Variants in MAGI3 observed in about 807,000 individuals in gnomAD.
MAGI3 encodes membrane associated guanylate kinase, WW and PDZ domain containing 3.
Under a neutral mutation model 121.8 loss-of-function variants are expected in MAGI3, and 43 were observed. That is an observed-to-expected ratio of 0.35 (90% CI 0.28 to 0.46). The LOEUF (loss-of-function observed/expected upper bound fraction) is 0.46. Ranked by LOEUF, MAGI3 falls within the 20% of genes least tolerant of loss-of-function variation. MAGI3 has a pLI of 1.00. For synonymous variants in MAGI3, 553 were observed against 639.3 expected (o/e 0.86, Z 2.04); for missense variants, 1,547 against 1,797.3 (o/e 0.86, Z 2.52).
intron 1 of MAGI3, among the ~76,000 whole-genome samples, chr1:113,448,857 C>G (rs745326766): frequency 6.6e-6 from 1 of 152,090 alleles, no homozygotes; most frequent in Non-Finnish European, 1.5e-5. Flanking sequence ...CAGTGGATCA[C>G]GCCTGTAATT....
At chr1:113,620,378 A>G (rs1049313264) in intron 8 of MAGI3, among the ~76,000 whole-genome samples, 8 of 152,132 alleles carry the variant, frequency 5.3e-5, no homozygotes, top group Non-Finnish European at 1.2e-4. Context: ...TTTTGAAAAC[A>G]CTGCTCAGGA....
chr1:113,600,125 G>C (rs939071666), intron 6 of MAGI3, among the ~76,000 whole-genome samples: 57 of 152,092 alleles, frequency 3.7e-4, no homozygotes, highest in African/African-American at 1.3e-3. Context: ...ATACTGAATG[G>C]GCAAAAACTG....
intron 1 of MAGI3, among the ~76,000 whole-genome samples, chr1:113,509,735 T>C (rs942780862): frequency 7.8e-5 from 10 of 127,440 alleles, no homozygotes; most frequent in Admixed American, 3.4e-4. Flanking sequence ...GTCACAACAG[T>C]GCAATAGGTA....
chr1:113,568,590 C>T (rs1227944763), intron 2 of MAGI3, among the ~76,000 whole-genome samples: 2 of 152,050 alleles, frequency 1.3e-5, no homozygotes, highest in African/African-American at 4.8e-5. Flanking sequence ...AATTATAACA[C>T]TGATAATGAT....
intron 2 of MAGI3, among the ~76,000 whole-genome samples, chr1:113,573,127 G>A (rs188952213): frequency 6.6e-5 from 10 of 152,070 alleles, no homozygotes; most frequent in Admixed American, 5.2e-4. Context: ...GGGTTTCACC[G>A]TTTTAGCCAG....
chr1:113,575,381 C>T lies in MAGI3; in HGVS notation c.434-5161C>T, dbSNP rs144659816. Among the ~76,000 whole-genome samples, 72 of 151,998 alleles carry T rather than the reference C, an allele frequency of 4.7e-4. No homozygotes were observed. In the East Asian group the frequency reaches 0.012, roughly 26 times the overall value. ...CCTTTGGATGGGGTTTTTGGGTGAG[C>T]GTCCTTTTGGTTAATGTTCATGTTA... On this transcript the variant is annotated intron_variant, in intron 2 of 20. Coordinates refer to ENST00000307546, the MANE Select transcript of MAGI3 (RefSeq NM_001142782.2).
At chr1:113,536,454 C>T (rs1001062216) in intron 1 of MAGI3, among the ~76,000 whole-genome samples, 2 of 152,100 alleles carry the variant, frequency 1.3e-5, no homozygotes, top group Non-Finnish European at 2.9e-5. Flanking sequence ...CAGAATTTTT[C>T]CCCCTACTTT....
chr1:113,485,750 T>C (rs1376344702), intron 1 of MAGI3, among the ~76,000 whole-genome samples: 1 of 152,246 alleles, frequency 6.6e-6, no homozygotes, highest in East Asian at 1.9e-4. Flanking sequence ...AGCCAATGTC[T>C]AGAAGGGTTT....
intron 1 of MAGI3, among the ~76,000 whole-genome samples, chr1:113,488,723 A>G (rs1025831890): frequency 2.6e-5 from 4 of 152,184 alleles, no homozygotes; most frequent in Admixed American, 6.5e-5. Context: ...TTGCAGGCAG[A>G]GCCTTGGCAG....
At chr1:113,511,885 T>C (rs1304367157) in intron 1 of MAGI3, among the ~76,000 whole-genome samples, 1 of 152,234 alleles carries the variant, frequency 6.6e-6, no homozygotes, top group African/African-American at 2.4e-5. Flanking sequence ...AAGGAAAAAG[T>C]CACCTTTCAG....
intron 1 of MAGI3, among the ~76,000 whole-genome samples, chr1:113,471,534 G>C (rs1349581659): frequency 6.6e-6 from 1 of 152,124 alleles, no homozygotes; most frequent in South Asian, 2.1e-4. Flanking sequence ...AGACCTGCTT[G>C]AGGCTGTTTT....
intron 1 of MAGI3, among the ~76,000 whole-genome samples, chr1:113,481,013 C>T (rs768101561): frequency 2.6e-5 from 4 of 152,212 alleles, no homozygotes; most frequent in Non-Finnish European, 5.9e-5. Flanking sequence ...TTAATAAAGT[C>T]AGAATTGGAA....
At chr1:113,493,692 A>T (rs1656775780) in intron 1 of MAGI3, among the ~76,000 whole-genome samples, 1 of 152,184 alleles carries the variant, frequency 6.6e-6, no homozygotes. Context: ...AAGCAACCCC[A>T]TTAAAAAGTG....
rs1014114617 is a variant in MAGI3 at position 113,549,645 on chromosome 1, G to A, written c.433+14G>A. ...GAACCATTCCATGTAAGTATGTGAT[G>A]GAATAAAAGAACTGAAGCAGAAATG... On this transcript the variant is annotated intron_variant, in intron 2 of 20. Transcript: ENST00000307546. 4 of 1,390,108 alleles carry A rather than the reference G, an allele frequency of 2.9e-6. No homozygotes were observed. The African/African-American group carries it at 4.3e-5, about 15-fold the overall frequency. The allele number at this position is 1,390,108 out of a possible 1,614,324, so 86.1% of individuals were successfully genotyped here.
At chr1:113,459,016 G>A (rs1254343248) in intron 1 of MAGI3, among the ~76,000 whole-genome samples, 2 of 152,038 alleles carry the variant, frequency 1.3e-5, no homozygotes, top group African/African-American at 4.8e-5. Flanking sequence ...AAAGTCCTTT[G>A]AATATAATCA....
intron 1 of MAGI3, among the ~76,000 whole-genome samples, chr1:113,428,429 T>C (rs1936930): frequency 0.54 from 82,785 of 151,942 alleles, 23,854 homozygotes; most frequent in African/African-American, 0.72. Flanking sequence ...GCCTTTCTTA[T>C]AAATCAGGTC....
intron 1 of MAGI3, among the ~76,000 whole-genome samples, chr1:113,475,209 C>G (rs1655752327): frequency 6.6e-6 from 1 of 152,150 alleles, no homozygotes; most frequent in Non-Finnish European, 1.5e-5. Flanking sequence ...TTCCTCATTT[C>G]TGAACCGAAT....
At chr1:113,548,695 T>C (rs1570840737) in intron 1 of MAGI3, among the ~76,000 whole-genome samples, 1 of 152,166 alleles carries the variant, frequency 6.6e-6, no homozygotes, top group Non-Finnish European at 1.5e-5. Flanking sequence ...GTATAAGATA[T>C]CTGAGGGGAC....
At chr1:113,548,911 G>T (rs1659650239) in intron 1 of MAGI3, among the ~76,000 whole-genome samples, 1 of 152,168 alleles carries the variant, frequency 6.6e-6, no homozygotes, top group African/African-American at 2.4e-5. Flanking sequence ...ACCGACAAAA[G>T]TTGCTAATGT....
Sources: allele counts gnomAD v4.1 joint callset (sites outside exome capture counted in the v4.1 genomes callset), GRCh38; gene constraint gnomAD v4.1.1; transcripts MANE v1.5; gene names NCBI Gene and HGNC (gene_info 2026-07-23, HGNC 2026-07-21).